The following ADGRB1 variants were observed in gnomAD, a reference collection of about 807,000 sequenced individuals.
ADGRB1 encodes the protein brain-specific angiogenesis inhibitor 1.
In ADGRB1, 36 loss-of-function variants were observed where a neutral mutation model predicts 175.7. That is an observed-to-expected ratio of 0.20 (90% CI 0.16 to 0.27). ADGRB1 has a LOEUF of 0.27. Among genes scored for constraint, ADGRB1 ranks in the 10% least tolerant of loss-of-function variants. The pLI is 1.00. For synonymous variants in ADGRB1, 1,054 were observed against 979.4 expected, an observed-to-expected ratio of 1.08 and a Z score of -1.42; for missense variants, 1,731 against 2,255.3, an observed-to-expected ratio of 0.77 and a Z score of 4.71.
At chr8:142,521,122 G>T (rs922018203) in intron 20 of ADGRB1, among the ~76,000 whole-genome samples, 197 bp downstream of exon 20, 13 of 152,136 alleles carry the variant, frequency 8.5e-5, no homozygotes, top group Admixed American at 1.3e-4. Flanking sequence ...CTGGTCAGCC[G>T]GCCAAGAAGG....
In ADGRB1 at chr8:142,479,487, G is replaced by A. The variant is rs770687249; in HGVS notation, c.1726G>A (p.Glu576Lys). The A allele has an allele frequency of 1.7e-5, 26 of 1,539,664 alleles. No individual in the cohort carries two copies. The highest frequency in any genetic ancestry group is 2.3e-5 in the Admixed American group (1 of 43,738). Residue 576 changes from glutamate to lysine, a missense_variant and splice_region_variant, in exon 8 of 31, where the codon GAG (glutamate) becomes AAG (lysine). Coordinates refer to ENST00000517894, the MANE Select transcript of ADGRB1 (RefSeq NM_001702.3). ...YRQCGTQRCP[E>K]PHEICDEDNF... ...GCAGTGCGGCACCCAGCGGTGTCCCGGTGAGGCCCCTCCTACCTGGGCTGG... is the reference window on the plus strand; with the variant it reads ...GCAGTGCGGCACCCAGCGGTGTCCCAGTGAGGCCCCTCCTACCTGGGCTGG...
Position 142,478,345 on chromosome 8 carries a change from C to A in ADGRB1, c.1546C>A (p.Leu516Met), listed in dbSNP as rs1393500124. Reference sequence around the variant, plus strand: ...CTGGGTGGAGACCCGAGACTGCTTCCTGCAGCAGTGCCCAGGTCAGGGGTG... The same window carrying A: ...CTGGGTGGAGACCCGAGACTGCTTCATGCAGCAGTGCCCAGGTCAGGGGTG... ...GHWVETRDCF[L>M]QQCPVDGKWQ... The change falls in exon 7 of 31, where the codon CTG (leucine) becomes ATG (methionine). Residue 516 changes from leucine (L) to methionine (M), a missense_variant. Transcript: ENST00000517894. 1.2e-6 allele frequency: 2 copies of A among 1,605,792 alleles called. No homozygotes were observed. Among genetic ancestry groups the A allele is most frequent in the Non-Finnish European group, 1.7e-6 (2 of 1,176,670 alleles).
rs370983948 is a variant in ADGRB1, at chr8:142,455,428, G to A, written c.-220+5324G>A. On this transcript the variant is annotated intron_variant, in intron 1 of 30. Transcript: ENST00000517894. This position sits in a 1 kb window ranked among gnomAD's most constrained non-coding sequence, Gnocchi z 4.9. ...TGGGGCTTGGTCAGGGGAAGGGCAC[G>A]ACAGAAGTCCTCTCTGCAGCTTCGC... is the stretch of plus-strand genomic sequence containing the variant. 1.4e-4 allele frequency among the ~76,000 whole-genome samples: 22 copies of A among 152,214 alleles called. No homozygotes were observed. The highest frequency in any genetic ancestry group is 4.6e-4 in the African/African-American group (19 of 41,526).
In ADGRB1 at chr8:142,543,531, G is replaced by A. The variant is rs1042636680; in HGVS notation, c.4450-70G>A. The A allele has an allele frequency of 1.5e-4, 238 of 1,592,226 alleles. No homozygotes were observed. Among genetic ancestry groups the A allele is most frequent in the East Asian group, 1.4e-3 (62 of 43,550 alleles). The stretch of plus-strand genomic sequence containing the variant: ...GGCAGCTCCCCGGCAGCCAGGGGAC[G>A]GGCGGGGCAGGCAGGATGGGCCATG... On this transcript the variant is annotated intron_variant, in intron 29 of 30. Transcript: ENST00000517894. The surrounding 1 kb of genome is among the most constrained non-coding windows in gnomAD (Gnocchi z 4.4).
chr8:142,472,114 C>G (rs1262590926), intron 2 of ADGRB1, among the ~76,000 whole-genome samples: 2 of 152,214 alleles, frequency 1.3e-5, no homozygotes, highest in Non-Finnish European at 2.9e-5. Flanking sequence ...GTGCACAGCT[C>G]TCCTCCAGAG....
Position 142,469,152 on chromosome 8 carries a change from CGTGCATGTGTGTGTGT to C in ADGRB1, c.784+4184_784+4199del, listed in dbSNP as rs1840443680. Among the ~76,000 whole-genome samples the C allele has an allele frequency of 2.8e-4, 6 of 21,736 alleles. No individual in the cohort carries two copies. In the South Asian group the frequency reaches 0.01, roughly 38 times the overall value. 14.3% of individuals were successfully genotyped at this position (21,736 alleles called of 152,430 possible). On this transcript the variant is annotated intron_variant, in intron 2 of 30. Transcript: ENST00000517894. ...GTGCGTGTGTGCATGTGTGTGCATG[CGTGCATGTGTGTGTGT>C]GTGCATGTGTGTGAATGTGTGCACA...
intron 20 of ADGRB1, among the ~76,000 whole-genome samples, 176 bp downstream of exon 20, chr8:142,521,101 C>A (rs1484235829): frequency 6.6e-6 from 1 of 152,172 alleles, no homozygotes; most frequent in Non-Finnish European, 1.5e-5. Flanking sequence ...GCTGCAGGAG[C>A]CTGTCAGGGG....
At chr8:142,469,654 C>T (rs540638892) in intron 2 of ADGRB1, among the ~76,000 whole-genome samples, 123 of 135,162 alleles carry the variant, frequency 9.1e-4, no homozygotes, top group African/African-American at 3.3e-3. Context: ...TGCGTGTGAA[C>T]GCAAGTGCGT....
At chr8:142,480,976 G>C (rs139150220) in intron 9 of ADGRB1, among the ~76,000 whole-genome samples, 1 of 105,492 alleles carries the variant, frequency 9.5e-6, no homozygotes, top group Non-Finnish European at 2.1e-5. Flanking sequence ...GAACTCTGAA[G>C]GCCCTGCTCG....
chr8:142,477,021 C>G (rs1841017366), intron 4 of ADGRB1, 93 bp from the exon 5 acceptor site: 3 of 1,407,760 alleles, frequency 2.1e-6, no homozygotes, highest in South Asian at 3.0e-5. Context: ...TGCCTGCTCC[C>G]CAGCAGGGCA....
rs778541788 is a variant in ADGRB1, at chr8:142,542,359, C to G, written c.4125C>G (p.Thr1375=). 6 of 1,597,422 alleles carry G rather than the reference C, an allele frequency of 3.8e-6. No individual in the cohort carries two copies. The Admixed American group carries it at 8.7e-5, about 23-fold the overall frequency. ...YSIHIDQMPQ[T]RLIHLSTAPE... ...TCCACATTGACCAGATGCCGCAGACCCGCCTCATCCACCTCAGCACGGCCC... is the reference window on the plus strand; with the variant it reads ...TCCACATTGACCAGATGCCGCAGACGCGCCTCATCCACCTCAGCACGGCCC... The change falls in exon 28 of 31, where the codon ACC becomes ACG. Residue 1375 remains threonine, a synonymous_variant. Coordinates refer to ENST00000517894, the MANE Select transcript of ADGRB1 (RefSeq NM_001702.3). The surrounding 1 kb of genome is among the most constrained non-coding windows in gnomAD (Gnocchi z 6.3).
chr8:142,460,981 T>C (rs796315120), intron 1 of ADGRB1, among the ~76,000 whole-genome samples: 5 of 152,318 alleles, frequency 3.3e-5, no homozygotes, highest in African/African-American at 9.6e-5. Flanking sequence ...AGGGTGGGCC[T>C]CATACCCTAA....
intron 27 of ADGRB1, 108 bp downstream of exon 27, chr8:142,539,521 G>A: frequency 7.4e-7 from 1 of 1,354,304 alleles, no homozygotes; most frequent in South Asian, 1.3e-5. Flanking sequence ...GTCCACTCCT[G>A]CTGCCCCCAC....
chr8:142,467,376 G>A (rs1424998806), intron 2 of ADGRB1, among the ~76,000 whole-genome samples: 1 of 152,228 alleles, frequency 6.6e-6, no homozygotes, highest in African/African-American at 2.4e-5. Flanking sequence ...GGACGCTGCA[G>A]CAGCAGTGGG....
intron 1 of ADGRB1, among the ~76,000 whole-genome samples, chr8:142,461,358 C>G (rs1381347084): frequency 6.6e-6 from 1 of 152,222 alleles, no homozygotes; most frequent in Non-Finnish European, 1.5e-5. Flanking sequence ...CTGGGATGGA[C>G]TCTTCCGTGT....
intron 26 of ADGRB1, among the ~76,000 whole-genome samples, chr8:142,538,811 C>T (rs990598095): frequency 6.6e-6 from 1 of 152,196 alleles, no homozygotes; most frequent in Non-Finnish European, 1.5e-5. Flanking sequence ...TCCCCAGACC[C>T]TGGATGGGGC....
At chr8:142,518,776 G>A (rs995857429) in intron 19 of ADGRB1, among the ~76,000 whole-genome samples, 41 of 152,224 alleles carry the variant, frequency 2.7e-4, no homozygotes, top group Non-Finnish European at 4.0e-4. Flanking sequence ...GTGTGGACGC[G>A]CCTCCAGGCA....
At chr8:142,453,086 G>A (rs1839458034) in intron 1 of ADGRB1, among the ~76,000 whole-genome samples, 1 of 135,012 alleles carries the variant, frequency 7.4e-6, no homozygotes, top group Admixed American at 7.2e-5. Flanking sequence ...GCCGGGTCCC[G>A]TGACGCGCCT....
Position 142,543,462 on chromosome 8 carries a change from C to T in ADGRB1, c.4449+24C>T. On this transcript the variant is annotated intron_variant, in intron 29 of 30. Coordinates refer to ENST00000517894, the MANE Select transcript of ADGRB1 (RefSeq NM_001702.3). The surrounding 1 kb of genome is among the most constrained non-coding windows in gnomAD (Gnocchi z 4.4). ...AGGTGAGTTCTGGTGTCCCCCCCCACCAGACACTTAGGGCCAGATGTGCTC... is the reference window on the plus strand; with the variant it reads ...AGGTGAGTTCTGGTGTCCCCCCCCATCAGACACTTAGGGCCAGATGTGCTC... 6.2e-7 allele frequency: 1 copy of T among 1,613,412 alleles called. No individual in the cohort carries two copies. The highest frequency in any genetic ancestry group is 8.5e-7 in the Non-Finnish European group (1 of 1,179,678).
Sources: gnomAD v4.1 joint callset for allele counts (sites outside exome capture counted in the v4.1 genomes callset) on GRCh38, gnomAD v4.1.1 for gene constraint, Gnocchi (gnomAD v3.1) non-coding constraint, MANE v1.5 for transcripts, NCBI Gene and HGNC (gene_info 2026-07-23, HGNC 2026-07-21) for gene names.